MKNK1: variants seen among roughly 807,000 people sequenced by gnomAD.
MKNK1 encodes the protein MAP kinase-interacting serine/threonine-protein kinase 1.
Under a neutral mutation model 49.3 loss-of-function variants are expected in MKNK1, and 30 were observed. The ratio of observed to expected loss-of-function variants is 0.61; its 90% CI spans 0.46 to 0.83. MKNK1 has a LOEUF of 0.83. Among genes scored for constraint, MKNK1 ranks in the 40% least tolerant of loss-of-function variants. The pLI is 0.00. For synonymous variants in MKNK1, 176 were observed against 201.7 expected, an observed-to-expected ratio of 0.87 and a Z score of 1.08; for missense variants, 423 against 524.7, an observed-to-expected ratio of 0.81 and a Z score of 1.89.
At chr1:46,583,370 T>C in intron 2 of MKNK1, 41 bp from the exon 3 acceptor site, 4 of 1,456,042 alleles carry the variant, frequency 2.7e-6, no homozygotes, top group Non-Finnish European at 3.8e-6. Context: ...ATCACTGTAC[T>C]GATCAAGCTG....
intron 10 of MKNK1, 38 bp downstream of exon 10, chr1:46,562,611 A>G (rs1208833374): frequency 1.3e-6 from 2 of 1,536,120 alleles, no homozygotes; most frequent in Non-Finnish European, 8.8e-7. Flanking sequence ...ACTGACCCCT[A>G]GCAGGGTCTA....
intron 12 of MKNK1, among the ~76,000 whole-genome samples, chr1:46,559,254 T>G (rs6429603): frequency 0.049 from 7,463 of 152,268 alleles, 406 homozygotes; most frequent in African/African-American, 0.13. Flanking sequence ...GAATAAATCT[T>G]CTAAGGCGGA....
At chr1:46,567,094 C>T (rs374070082) in intron 8 of MKNK1, among the ~76,000 whole-genome samples, 67 of 152,236 alleles carry the variant, frequency 4.4e-4, no homozygotes, top group African/African-American at 1.0e-3. Flanking sequence ...GGCATGCAAC[C>T]GCTGTGACCA....
At chr1:46,588,309 T>A (rs1336001468) in intron 2 of MKNK1, among the ~76,000 whole-genome samples, 1 of 152,258 alleles carries the variant, frequency 6.6e-6, no homozygotes, top group East Asian at 1.9e-4. Context: ...TCACGTTTTA[T>A]TTTTAAATAA....
At chr1:46,597,007 CT>C (rs1674156302) in intron 1 of MKNK1, among the ~76,000 whole-genome samples, 1 of 152,148 alleles carries the variant, frequency 6.6e-6, no homozygotes, top group African/African-American at 2.4e-5. Context: ...TCAAAAATTA[CT>C]TCTGACTCTC....
At chr1:46,564,173 C>T (rs1380767497) in intron 9 of MKNK1, among the ~76,000 whole-genome samples, 1 of 151,718 alleles carries the variant, frequency 6.6e-6, no homozygotes, top group Admixed American at 6.6e-5. Context: ...CTCCAAGCAG[C>T]ACCATCTGGT....
At chr1:46,571,959 G>A in intron 7 of MKNK1, 104 bp downstream of exon 7, 1 of 1,037,572 alleles carries the variant, frequency 9.6e-7, no homozygotes, top group Middle Eastern at 2.1e-4. Context: ...CTGCCTTCCA[G>A]CCACACCATC....
chr1:46,572,813 AG>A (rs565054374), intron 6 of MKNK1, among the ~76,000 whole-genome samples: 51 of 152,298 alleles, frequency 3.3e-4, no homozygotes, highest in African/African-American at 1.2e-3. Flanking sequence ...CTTGGAGCTG[AG>A]GGGGCCTTTC....
chr1:46,577,723 T>C (rs2148670999), intron 4 of MKNK1, among the ~76,000 whole-genome samples: 1 of 152,316 alleles, frequency 6.6e-6, no homozygotes, highest in Admixed American at 6.5e-5. Flanking sequence ...CTGAGATGCT[T>C]GTCAAATGCT....
chr1:46,599,746 T>C (rs1055075853), intron 1 of MKNK1, among the ~76,000 whole-genome samples: 26 of 152,204 alleles, frequency 1.7e-4, no homozygotes, highest in African/African-American at 4.3e-4. Flanking sequence ...TTACTATCTA[T>C]CTAACCTTGG....
chr1:46,564,566 C>T (rs1238447749), intron 9 of MKNK1, among the ~76,000 whole-genome samples: 1 of 145,588 alleles, frequency 6.9e-6, no homozygotes, highest in African/African-American at 2.5e-5. Flanking sequence ...AACCTCCACC[C>T]CTCGGGTTCA....
intron 1 of MKNK1, among the ~76,000 whole-genome samples, chr1:46,596,602 G>A (rs975909702): frequency 4.6e-5 from 7 of 152,234 alleles, no homozygotes; most frequent in Admixed American, 1.3e-4. Flanking sequence ...TCTACCAGCC[G>A]GGTAGCCTTG....
intron 8 of MKNK1, among the ~76,000 whole-genome samples, chr1:46,567,612 G>A (rs190953243): frequency 6.6e-6 from 1 of 152,268 alleles, no homozygotes; most frequent in Non-Finnish European, 1.5e-5. Context: ...GTTGTGAGTA[G>A]CAGACTGACT....
intron 6 of MKNK1, among the ~76,000 whole-genome samples, chr1:46,572,691 G>A (rs942077655): frequency 6.6e-6 from 1 of 152,150 alleles, no homozygotes; most frequent in South Asian, 2.1e-4. Flanking sequence ...TTCTGTACCT[G>A]TCTATGAGGA....
At chr1:46,599,718 T>G (rs1397019853) in intron 1 of MKNK1, among the ~76,000 whole-genome samples, 1 of 152,184 alleles carries the variant, frequency 6.6e-6, no homozygotes, top group East Asian at 1.9e-4. Flanking sequence ...ACTGCTAGTT[T>G]TGAACCAAGC....
chr1:46,571,678 C>T (rs1468973451), intron 7 of MKNK1: 2 of 342,950 alleles, frequency 5.8e-6, no homozygotes, highest in African/African-American at 2.2e-5. Context: ...GAAGGAATAA[C>T]ATCAAGATAT....
At chr1:46,594,518 GA>G (rs1041832202) in intron 1 of MKNK1, among the ~76,000 whole-genome samples, 1 of 152,200 alleles carries the variant, frequency 6.6e-6, no homozygotes, top group Admixed American at 6.5e-5. Context: ...GATTATTTGG[GA>G]AGGGGTGGCT....
At chr1:46,577,519 T>A (rs1425527169) in intron 4 of MKNK1, among the ~76,000 whole-genome samples, 8 of 151,898 alleles carry the variant, frequency 5.3e-5, no homozygotes, top group Admixed American at 5.3e-4. Flanking sequence ...CAATAATAAT[T>A]TATTTACATA....
intron 3 of MKNK1, among the ~76,000 whole-genome samples, chr1:46,581,528 A>AC (rs1671747784): frequency 6.6e-6 from 1 of 151,486 alleles, no homozygotes; most frequent in East Asian, 1.9e-4. Flanking sequence ...AAAAAAAAAA[A>AC]AAAAAAAAAA....
Sources: allele counts gnomAD v4.1 joint callset (sites outside exome capture counted in the v4.1 genomes callset), GRCh38; gene constraint gnomAD v4.1.1; transcripts MANE v1.5; gene names NCBI Gene and HGNC (gene_info 2026-07-23, HGNC 2026-07-21).